Variants in CDC20B observed in about 807,000 individuals in gnomAD.
The protein encoded by CDC20B is cell division cycle 20B.
In CDC20B, 58 loss-of-function variants were observed where a neutral mutation model predicts 64.1. The observed-to-expected ratio is 0.90, with a 90% confidence interval of 0.73 to 1.13. The LOEUF is 1.13. Ranked by LOEUF, CDC20B falls within the 50% of genes most tolerant of loss-of-function variation. The probability of loss-of-function intolerance (pLI) is 0.00; values close to 1 mark genes in which losing one functional copy is unlikely to be tolerated. For missense variants in CDC20B, 597 were observed against 633.0 expected (o/e 0.94, Z 0.61); for synonymous variants, 243 against 230.6 (o/e 1.05, Z -0.49).
At chr5:55,134,490 C>T (rs927800329) in intron 5 of CDC20B, among the ~76,000 whole-genome samples, 1 of 152,122 alleles carries the variant, frequency 6.6e-6, no homozygotes, top group African/African-American at 2.4e-5. Flanking sequence ...GGGCTGGGCA[C>T]GGTGGCTCAT....
chr5:55,142,747 T>C (rs189577944), intron 4 of CDC20B, among the ~76,000 whole-genome samples: 1 of 144,924 alleles, frequency 6.9e-6, no homozygotes, highest in East Asian at 1.9e-4. Flanking sequence ...TCCAATTGCA[T>C]ATGAGTTCAG....
chr5:55,148,886 G>A (rs1743579527), intron 2 of CDC20B, among the ~76,000 whole-genome samples: 1 of 152,148 alleles, frequency 6.6e-6, no homozygotes, highest in African/African-American at 2.4e-5. Context: ...AAGAAACTGA[G>A]GCTTAGAGGT....
intron 4 of CDC20B, among the ~76,000 whole-genome samples, chr5:55,140,828 A>C (rs1415526590): frequency 6.6e-6 from 1 of 152,202 alleles, no homozygotes; most frequent in Admixed American, 6.5e-5. Flanking sequence ...TTCCATGTGC[A>C]CAAAAATCTG....
intron 2 of CDC20B, among the ~76,000 whole-genome samples, chr5:55,148,920 C>A (rs1310709939): frequency 6.6e-6 from 1 of 152,214 alleles, no homozygotes; most frequent in African/African-American, 2.4e-5. Context: ...CAAGACTACA[C>A]AGTAAGTGGC....
In CDC20B at chr5:55,114,485, C is replaced by A. The variant is rs532602189; in HGVS notation, c.1460-167G>T. On this transcript the variant is annotated intron_variant, in intron 11 of 11. Coordinates refer to ENST00000381375, the MANE Select transcript of CDC20B (RefSeq NM_001170402.1). The surrounding 1 kb of genome is among the most constrained non-coding windows in gnomAD (Gnocchi z 4.1). ...CCAACTGAGCCATGCTGGGAGACAG[C>A]AGTCAGGGCCGACTGGGACAGTTTT... Among the ~76,000 whole-genome samples the A allele has an allele frequency of 3.3e-5, 5 of 152,364 alleles. No homozygotes were observed. The highest frequency in any genetic ancestry group is 2.6e-4 in the Admixed American group (4 of 15,308).
At chr5:55,145,790 C>T (rs528002079) in intron 3 of CDC20B, among the ~76,000 whole-genome samples, 14 of 151,568 alleles carry the variant, frequency 9.2e-5, no homozygotes, top group Non-Finnish European at 1.8e-4. Context: ...TTGTCTCTCT[C>T]CCCCCATCCA....
intron 2 of CDC20B, among the ~76,000 whole-genome samples, chr5:55,150,069 T>C (rs1743618504): frequency 6.6e-6 from 1 of 151,924 alleles, no homozygotes; most frequent in African/African-American, 2.4e-5. Context: ...GAGGCAGAGG[T>C]TGCAGTGAGC....
chr5:55,171,131 T>C (rs1347330626), intron 2 of CDC20B, among the ~76,000 whole-genome samples: 3 of 152,150 alleles, frequency 2.0e-5, no homozygotes, highest in Non-Finnish European at 2.9e-5. Flanking sequence ...CTGGCCAACA[T>C]GGTGAAACCC....
At chr5:55,171,409 T>A (rs182036095) in intron 2 of CDC20B, among the ~76,000 whole-genome samples, 2 of 152,324 alleles carry the variant, frequency 1.3e-5, no homozygotes, top group East Asian at 3.9e-4. Flanking sequence ...GTAAAATATC[T>A]AGGAGTCGTG....
At chr5:55,140,788 T>A (rs1166473105) in intron 4 of CDC20B, among the ~76,000 whole-genome samples, 1 of 152,158 alleles carries the variant, frequency 6.6e-6, no homozygotes, top group East Asian at 1.9e-4. Context: ...GTTAACACCT[T>A]CACAGAGCTC....
intron 9 of CDC20B, among the ~76,000 whole-genome samples, chr5:55,121,393 C>A (rs182291907): frequency 6.6e-6 from 1 of 152,242 alleles, no homozygotes; most frequent in Non-Finnish European, 1.5e-5. Context: ...CCATAATATT[C>A]CATCGTGTCG....
intron 10 of CDC20B, 86 bp from the exon 11 acceptor site, chr5:55,120,004 G>T (rs913606816): frequency 7.3e-6 from 7 of 954,992 alleles, no homozygotes; most frequent in Non-Finnish European, 1.2e-5. Context: ...AGTATGCACT[G>T]TCCATGACCC....
intron 2 of CDC20B, among the ~76,000 whole-genome samples, chr5:55,151,176 A>C (rs1038818979): frequency 3.3e-5 from 5 of 152,258 alleles, no homozygotes; most frequent in Admixed American, 2.6e-4. Flanking sequence ...CTTGTGTTTT[A>C]GCCACAGCAA....
At position 55,121,673 on chromosome 5, in the gene CDC20B, A is replaced by G. The variant is rs1156472199; in HGVS notation, c.1216-1123T>C. On this transcript the variant is annotated intron_variant, in intron 9 of 11. Transcript: ENST00000381375. The stretch of plus-strand genomic sequence containing the variant: ...GTTTTCCAAGCAGTTATAACTTTTT[A>G]CAGCACCAGCATCCAATGAGTATAC... Among the ~76,000 whole-genome samples, 4 of 152,226 alleles carry G rather than the reference A, an allele frequency of 2.6e-5. No individual in the cohort carries two copies. In the East Asian group the frequency reaches 7.7e-4, roughly 29 times the overall value.
intron 5 of CDC20B, chr5:55,137,439 G>T (rs1440109646): frequency 2.4e-6 from 1 of 423,774 alleles, no homozygotes; most frequent in Non-Finnish European, 4.8e-6. Context: ...TATATACACA[G>T]CATTTGGATA....
At chr5:55,120,657 C>T (rs1742735800) in intron 9 of CDC20B, 107 bp from the exon 10 acceptor site, 1 of 1,345,900 alleles carries the variant, frequency 7.4e-7, no homozygotes. Context: ...GCACCTGTCA[C>T]AGCTCTCCTG....
At chr5:55,121,601 G>A (rs1005060617) in intron 9 of CDC20B, among the ~76,000 whole-genome samples, 2 of 151,690 alleles carry the variant, frequency 1.3e-5, no homozygotes, top group Admixed American at 1.3e-4. Context: ...CTTTTTTTCT[G>A]ACAAATTTTT....
At chr5:55,164,169 T>A in intron 2 of CDC20B, 2 of 1,594,824 alleles carry the variant, frequency 1.3e-6, no homozygotes, top group Non-Finnish European at 1.7e-6. Flanking sequence ...AGGCCTGACA[T>A]AGCAGCTCTG....
intron 5 of CDC20B, among the ~76,000 whole-genome samples, chr5:55,134,833 A>G (rs923617544): frequency 6.6e-6 from 1 of 152,268 alleles, no homozygotes; most frequent in Admixed American, 6.5e-5. Flanking sequence ...GATTCCAACT[A>G]TATGACATTC....
Sources: gnomAD v4.1 joint callset for allele counts (sites outside exome capture counted in the v4.1 genomes callset) on GRCh38, gnomAD v4.1.1 for gene constraint, Gnocchi (gnomAD v3.1) non-coding constraint, MANE v1.5 for transcripts, NCBI Gene and HGNC (gene_info 2026-07-23, HGNC 2026-07-21) for gene names.